Variants in ZFP2 observed in about 807,000 individuals in gnomAD.
ZFP2 encodes the protein ZFP2 zinc finger protein.
A neutral mutation model predicts 36.1 loss-of-function variants in ZFP2; 33 were observed. The observed-to-expected ratio is 0.92, with a 90% CI of 0.69 to 1.22. The LOEUF (loss-of-function observed/expected upper bound fraction) is 1.22, where lower values mean the gene tolerates loss of function less well. Among genes scored for constraint, ZFP2 ranks in the 50% most tolerant of loss-of-function variants. The pLI, the probability that ZFP2 is intolerant of heterozygous loss-of-function variation, is 0.00. For synonymous variants in ZFP2, 170 were observed against 178.0 expected, an observed-to-expected ratio of 0.96 and a Z score of 0.36; for missense variants, 522 against 551.4, an observed-to-expected ratio of 0.95 and a Z score of 0.53.
At chr5:178,905,190 C>T (rs1301189519) in intron 1 of ZFP2, among the ~76,000 whole-genome samples, 1 of 152,160 alleles carries the variant, frequency 6.6e-6, no homozygotes, top group African/African-American at 2.4e-5. Flanking sequence ...AGATTGCCAT[C>T]TTTACGATGT....
At chr5:178,914,713 C>T (rs1758381581) in intron 3 of ZFP2, among the ~76,000 whole-genome samples, 1 of 152,032 alleles carries the variant, frequency 6.6e-6, no homozygotes, top group Non-Finnish European at 1.5e-5. Context: ...GAATATAACA[C>T]AGTGATAGGT....
Position 178,929,947 on chromosome 5 carries a change from G to C in ZFP2, c.-77-1290G>C, listed in dbSNP as rs562687803. 1.3e-4 allele frequency among the ~76,000 whole-genome samples: 20 copies of C among 150,608 alleles called. No individual in the cohort carries two copies. The South Asian group carries it at 4.0e-3, about 30-fold the overall frequency. On this transcript the variant is annotated intron_variant, in intron 4 of 4. Coordinates refer to ENST00000361362, the MANE Select transcript of ZFP2 (RefSeq NM_030613.4). ...TGCCAGCATCTGCTTGACGGTGGGG[G>C]GGGGGGCTCAGGAGGCTTACAGTCA... is the stretch of plus-strand genomic sequence containing the variant.
At chr5:178,901,706 G>A (rs1758060108) in intron 1 of ZFP2, among the ~76,000 whole-genome samples, 1 of 152,118 alleles carries the variant, frequency 6.6e-6, no homozygotes, top group Admixed American at 6.5e-5. Flanking sequence ...ACCTTTTTTG[G>A]GGGACACAGT....
At chr5:178,917,688 T>C (rs1374270733) in intron 4 of ZFP2, among the ~76,000 whole-genome samples, 1 of 152,220 alleles carries the variant, frequency 6.6e-6, no homozygotes, top group African/African-American at 2.4e-5. Context: ...CATGTAAATA[T>C]ATGTGTACAT....
chr5:178,923,499 C>A (rs982578161), intron 4 of ZFP2, among the ~76,000 whole-genome samples: 2 of 149,682 alleles, frequency 1.3e-5, no homozygotes, highest in Non-Finnish European at 3.0e-5. Context: ...AAACTAACTT[C>A]CCCATTCATG....
intron 1 of ZFP2, among the ~76,000 whole-genome samples, chr5:178,901,518 G>T (rs1425847799): frequency 6.6e-6 from 1 of 152,132 alleles, no homozygotes; most frequent in Non-Finnish European, 1.5e-5. Context: ...ACTCTTTGGT[G>T]TTCCTTGGTT....
intron 1 of ZFP2, among the ~76,000 whole-genome samples, chr5:178,907,726 T>C (rs912720588): frequency 2.6e-5 from 4 of 152,054 alleles, no homozygotes; most frequent in African/African-American, 7.2e-5. Context: ...AACAGAAACT[T>C]TGGCTCCAAG....
chr5:178,929,763 C>T (rs934350967), intron 4 of ZFP2, among the ~76,000 whole-genome samples: 4 of 152,152 alleles, frequency 2.6e-5, no homozygotes, highest in Admixed American at 6.5e-5. Context: ...TCCAAAGTCA[C>T]CTCCACATTT....
rs774242893 is a variant in ZFP2, at chr5:178,932,346, C to T, written c.1033C>T (p.Arg345Trp). The T allele has an allele frequency of 2.8e-5, 45 of 1,613,982 alleles. No homozygotes were observed. Among genetic ancestry groups the T allele is most frequent in the Non-Finnish European group, 3.5e-5 (41 of 1,180,022 alleles). Reference sequence around the variant, plus strand: ...TAAGAATTCATCTCTAACTCAACATCGGAGAATTCACACTGGAGAGAAACC... The same window carrying T: ...TAAGAATTCATCTCTAACTCAACATTGGAGAATTCACACTGGAGAGAAACC... ...FSKNSSLTQHRRIHTGEKPYE... is the reference protein window; with the variant it reads ...FSKNSSLTQHWRIHTGEKPYE... Residue 345 changes from arginine to tryptophan, a missense_variant, in exon 5 of 5, where the codon CGG becomes TGG. By Grantham distance (101) the Arg-to-Trp change is moderately radical. Coordinates refer to ENST00000361362, the MANE Select transcript of ZFP2 (RefSeq NM_030613.4).
intron 4 of ZFP2, among the ~76,000 whole-genome samples, chr5:178,927,663 A>AT (rs1554107344): frequency 1.1e-5 from 1 of 92,552 alleles, no homozygotes. Flanking sequence ...TACCTGGCCA[A>AT]TGTGTGTGTG....
chr5:178,910,637 C>G (rs1758277219), intron 1 of ZFP2: 1 of 395,434 alleles, frequency 2.5e-6, no homozygotes, highest in South Asian at 2.2e-5. Flanking sequence ...AGAATGGCCC[C>G]CTCTGGATCA....
At chr5:178,907,013 A>G (rs1368596725) in intron 1 of ZFP2, among the ~76,000 whole-genome samples, 2 of 152,194 alleles carry the variant, frequency 1.3e-5, no homozygotes, top group Non-Finnish European at 2.9e-5. Flanking sequence ...GAAAAATAAC[A>G]GGAGGATCCT....
chr5:178,932,378 G>A lies in ZFP2; in HGVS notation c.1065G>A (p.Glu355=), dbSNP rs749871410. The A allele has an allele frequency of 2.0e-5, 32 of 1,614,026 alleles. No individual in the cohort carries two copies. Among genetic ancestry groups the A allele is most frequent in the Non-Finnish European group, 2.7e-5 (32 of 1,180,038 alleles). The change falls in exon 5 of 5, where the codon GAG becomes GAA. Residue 355 remains glutamate (E), a synonymous_variant. Coordinates refer to ENST00000361362, the MANE Select transcript of ZFP2 (RefSeq NM_030613.4). ...RRIHTGEKPY[E]CMVCGKHFTG... ...TTCACACTGGAGAGAAACCTTATGAGTGTATGGTGTGTGGAAAACATTTCA... is the reference window on the plus strand; with the variant it reads ...TTCACACTGGAGAGAAACCTTATGAATGTATGGTGTGTGGAAAACATTTCA...
chr5:178,909,687 C>A (rs1758247725), intron 1 of ZFP2: 2 of 1,475,604 alleles, frequency 1.4e-6, no homozygotes, highest in South Asian at 1.6e-5. Context: ...ATCCTTGCTG[C>A]TGCTCCTGGG....
chr5:178,910,906 C>A (rs544907750), intron 1 of ZFP2, among the ~76,000 whole-genome samples: 1 of 152,210 alleles, frequency 6.6e-6, no homozygotes, highest in South Asian at 2.1e-4. Context: ...AGGGACTGAA[C>A]CTTTTTATAG....
Position 178,931,502 on chromosome 5 carries a change from ACAGCAAAG to A in ZFP2, c.192_199del (p.Gln64HisfsTer9). 6.2e-7 allele frequency: 1 copy of A among 1,614,200 alleles called. No individual in the cohort carries two copies. Among genetic ancestry groups the A allele is most frequent in the African/African-American group, 1.3e-5 (1 of 75,060 alleles). ...CCAGTCAGGATTCAATCCTTGATAC[ACAGCAAAG>A]CATTCCTATGGTAAAAAGGCCCCAT... On this transcript the variant is annotated frameshift_variant, in exon 5 of 5. Coordinates refer to ENST00000361362, the MANE Select transcript of ZFP2 (RefSeq NM_030613.4). LOFTEE classifies it high-confidence loss of function.
chr5:178,910,663 G>A (rs767595918), intron 1 of ZFP2: 41 of 367,962 alleles, frequency 1.1e-4, no homozygotes, highest in Non-Finnish European at 1.6e-4. Flanking sequence ...CCTCACTGCC[G>A]CTGGCCCATG....
At chr5:178,907,815 CAAAG>C (rs1048486318) in intron 1 of ZFP2, among the ~76,000 whole-genome samples, 3 of 152,148 alleles carry the variant, frequency 2.0e-5, no homozygotes, top group Non-Finnish European at 4.4e-5. Flanking sequence ...AGAAAACTAT[CAAAG>C]AAGTCTACTT....
chr5:178,930,254 C>T (rs2113129158), intron 4 of ZFP2, among the ~76,000 whole-genome samples: 1 of 150,640 alleles, frequency 6.6e-6, no homozygotes, highest in South Asian at 2.1e-4. Context: ...TACTTACTTC[C>T]TATCATATTT....
Sources: gnomAD v4.1 joint callset for allele counts (sites outside exome capture counted in the v4.1 genomes callset) on GRCh38, gnomAD v4.1.1 for gene constraint, MANE v1.5 for transcripts, NCBI Gene and HGNC (gene_info 2026-07-23, HGNC 2026-07-21) for gene names.